Variants in TENM4 observed in about 807,000 individuals in gnomAD.
TENM4 encodes teneurin-4.
Under a neutral mutation model 243.3 loss-of-function variants are expected in TENM4, and 82 were observed. The observed-to-expected ratio is 0.34, with a 90% confidence interval of 0.28 to 0.40. TENM4 has a LOEUF of 0.40. Among genes scored for constraint, TENM4 ranks in the 10% least tolerant of loss-of-function variants. The pLI is 1.00. For missense variants in TENM4, 3,138 were observed against 3,673.3 expected, an observed-to-expected ratio of 0.85 and a Z score of 3.77; for synonymous variants, 1,412 against 1,456.3, an observed-to-expected ratio of 0.97 and a Z score of 0.69.
intron 3 of TENM4, among the ~76,000 whole-genome samples, chr11:79,164,815 G>T (rs1293165297): frequency 6.6e-6 from 1 of 151,766 alleles, no homozygotes; most frequent in Admixed American, 6.6e-5. Flanking sequence ...CTGCCACCAG[G>T]TAAGAAGTGC....
intron 9 of TENM4, among the ~76,000 whole-genome samples, chr11:78,875,328 C>G (rs762697474): frequency 3.9e-5 from 6 of 152,096 alleles, no homozygotes; most frequent in African/African-American, 9.7e-5. Context: ...TTCAGCCTCT[C>G]GAGTAGTTGA....
chr11:78,753,157 G>A (rs147784014), intron 19 of TENM4, among the ~76,000 whole-genome samples: 1 of 152,282 alleles, frequency 6.6e-6, no homozygotes, highest in Non-Finnish European at 1.5e-5. Context: ...TCCCAGGCTT[G>A]TGCTATTTTC....
chr11:78,773,232 C>T (rs530059430), intron 17 of TENM4, among the ~76,000 whole-genome samples: 1 of 152,300 alleles, frequency 6.6e-6, no homozygotes, highest in East Asian at 1.9e-4. Flanking sequence ...TTGTAAGATG[C>T]AAACAGTATC....
chr11:78,907,727 G>A (rs1156845372), intron 6 of TENM4, among the ~76,000 whole-genome samples: 7 of 152,138 alleles, frequency 4.6e-5, no homozygotes, highest in African/African-American at 1.2e-4. Context: ...ACAGAATGTC[G>A]GGGAAAGAAC....
At chr11:79,301,042 C>A (rs1856542225) in intron 1 of TENM4, among the ~76,000 whole-genome samples, 1 of 152,176 alleles carries the variant, frequency 6.6e-6, no homozygotes, top group South Asian at 2.1e-4. Context: ...CATCTCCATG[C>A]CCTCATTCAT....
At chr11:79,017,840 A>G (rs1176178652) in intron 6 of TENM4, among the ~76,000 whole-genome samples, 1 of 152,224 alleles carries the variant, frequency 6.6e-6, no homozygotes, top group Admixed American at 6.5e-5. Flanking sequence ...GCTCAGGCTC[A>G]GAAGGGCCTC....
intron 7 of TENM4, among the ~76,000 whole-genome samples, chr11:78,892,484 T>C (rs1268215048): frequency 1.3e-5 from 2 of 152,260 alleles, no homozygotes; most frequent in Non-Finnish European, 1.5e-5. Flanking sequence ...ACTCTCTTCC[T>C]GTGCAACTTT....
rs187502617 is a variant in TENM4, at chr11:78,919,285, G to A, written c.494-15762C>T. Among the ~76,000 whole-genome samples, 302 of 152,182 alleles carry A rather than the reference G, an allele frequency of 2.0e-3. 2 individuals are homozygous for A. The highest frequency in any genetic ancestry group is 3.4e-3 in the Middle Eastern group (1 of 294). ...GAAATAACCAAGGCTTTGAGAAGTGGGTAGACTGGTCCAAAATAACACAAT... is the reference window on the plus strand; with the variant it reads ...GAAATAACCAAGGCTTTGAGAAGTGAGTAGACTGGTCCAAAATAACACAAT... On this transcript the variant is annotated intron_variant, in intron 6 of 33. Transcript: ENST00000278550.
chr11:78,948,378 T>G (rs1024791596), intron 6 of TENM4, among the ~76,000 whole-genome samples: 7 of 151,084 alleles, frequency 4.6e-5, no homozygotes, highest in Non-Finnish European at 1.0e-4. Flanking sequence ...AACTGTCTTT[T>G]TTTTTTTTTT....
At chr11:78,939,132 C>T (rs1313739716) in intron 6 of TENM4, among the ~76,000 whole-genome samples, 2 of 152,166 alleles carry the variant, frequency 1.3e-5, no homozygotes, top group African/African-American at 2.4e-5. Flanking sequence ...TGTGGCCTCC[C>T]GTTGTTTCCT....
Position 78,903,408 on chromosome 11 carries a change from G to A in TENM4, c.609C>T (p.Gly203=). ...HAASINSLNR[G]NFTPRSNPSP... is the part of the protein sequence containing the mutation. ...TGGGGTTGCTCCTCGGCGTGAAGTT[G>A]CCCCGGTTCAGGGAGTTAATGGAGG... is the stretch of plus-strand genomic sequence containing the variant. The change falls in exon 7 of 34, where the codon GGC becomes GGT. Residue 203 remains glycine (G), a synonymous_variant. Coordinates refer to ENST00000278550, the MANE Select transcript of TENM4 (RefSeq NM_001098816.3). 2 of 1,539,742 alleles carry A rather than the reference G, an allele frequency of 1.3e-6. No individual in the cohort carries two copies. Among genetic ancestry groups the A allele is most frequent in the Non-Finnish European group, 1.8e-6 (2 of 1,140,922 alleles).
At chr11:78,676,409 G>C in intron 29 of TENM4, 22 bp from the exon 30 acceptor site, 2 of 1,567,606 alleles carry the variant, frequency 1.3e-6, no homozygotes, top group African/African-American at 1.3e-5. Flanking sequence ...GACAAGCACA[G>C]ACTGCTCAGA....
chr11:79,137,364 C>T (rs2137180246), intron 4 of TENM4, among the ~76,000 whole-genome samples: 1 of 152,190 alleles, frequency 6.6e-6, no homozygotes, highest in East Asian at 1.9e-4. Context: ...ACAGGAGATC[C>T]ATTAGGGCAT....
chr11:79,230,179 G>A (rs56343634), intron 2 of TENM4, among the ~76,000 whole-genome samples: 16,043 of 152,020 alleles, frequency 0.11, 1,242 homozygotes, highest in African/African-American at 0.2. Flanking sequence ...TGGCATTTTA[G>A]CCACACCTTG....
At chr11:78,947,787 C>G (rs1857031606) in intron 6 of TENM4, among the ~76,000 whole-genome samples, 1 of 152,216 alleles carries the variant, frequency 6.6e-6, no homozygotes, top group Non-Finnish European at 1.5e-5. Context: ...CCCTACACTT[C>G]TGCCAATGTG....
At position 79,438,293 on chromosome 11, in the gene TENM4, A is replaced by G. The variant is rs951133778; in HGVS notation, c.-321+2216T>C. ...AGCATACTCTTACTGTGGTTTCTCTATCAAAGCCCATCAACGTGATACACA... is the reference window on the plus strand; with the variant it reads ...AGCATACTCTTACTGTGGTTTCTCTGTCAAAGCCCATCAACGTGATACACA... On this transcript the variant is annotated intron_variant, in intron 1 of 33. Transcript: ENST00000278550. This position sits in a 1 kb window ranked among gnomAD's most constrained non-coding sequence, Gnocchi z 4.1. Among the ~76,000 whole-genome samples, 1 of 152,186 alleles carries G rather than the reference A, an allele frequency of 6.6e-6. No individual in the cohort carries two copies. Among genetic ancestry groups the G allele is most frequent in the Non-Finnish European group, 1.5e-5 (1 of 68,042 alleles).
intron 1 of TENM4, among the ~76,000 whole-genome samples, chr11:79,424,624 C>A (rs1859009132): frequency 6.7e-6 from 1 of 148,176 alleles, no homozygotes; most frequent in African/African-American, 2.5e-5. Flanking sequence ...TAGAACCAGA[C>A]CCTGTCTCCA....
rs1565378919 is a variant in TENM4 at position 78,787,062 on chromosome 11, C to T, written c.2201G>A (p.Gly734Asp). 2.6e-6 allele frequency: 4 copies of T among 1,548,654 alleles called. No individual in the cohort carries two copies. The highest frequency in any genetic ancestry group is 2.6e-6 in the Non-Finnish European group (3 of 1,145,290). The change falls in exon 16 of 34, where the codon GGT becomes GAT. Residue 734 changes from glycine (G) to aspartate (D), a missense_variant. By Grantham distance (94) the Gly-to-Asp change is moderately conservative. This residue lies in a region of TENM4 where 2,467 missense variants were observed against 3,059.1 expected (regional missense o/e 0.81). Coordinates refer to ENST00000278550, the MANE Select transcript of TENM4 (RefSeq NM_001098816.3). ...CSIEICAADC[G>D]GHGVCVGGTC... Reference sequence around the variant, plus strand: ...GCCCCCTACGCACACGCCATGGCCACCACAGTCGGCAGCACAGATCTCTGT... The same window carrying T: ...GCCCCCTACGCACACGCCATGGCCATCACAGTCGGCAGCACAGATCTCTGT...
intron 22 of TENM4, among the ~76,000 whole-genome samples, chr11:78,726,672 G>A (rs1161337716): frequency 6.6e-6 from 1 of 152,022 alleles, no homozygotes; most frequent in Non-Finnish European, 1.5e-5. Flanking sequence ...CATGGTGAGC[G>A]AGTTCTCCTG....
Sources: allele counts gnomAD v4.1 joint callset (sites outside exome capture counted in the v4.1 genomes callset), GRCh38; gene constraint gnomAD v4.1.1; regional missense constraint gnomAD v4.1.1; non-coding constraint Gnocchi (gnomAD v3.1); transcripts MANE v1.5; gene names NCBI Gene and HGNC (gene_info 2026-07-23, HGNC 2026-07-21).